Variants in RIMKLB observed in about 807,000 individuals in gnomAD.
The protein encoded by RIMKLB is ribosomal modification protein rimK like family member B.
In RIMKLB, 7 loss-of-function variants were observed where a neutral mutation model predicts 32.0. The ratio of observed to expected loss-of-function variants is 0.22; its 90% CI spans 0.12 to 0.41. The LOEUF (loss-of-function observed/expected upper bound fraction) is 0.41. RIMKLB is among the 10% of genes least tolerant of loss of function. The pLI, the probability that RIMKLB is intolerant of heterozygous loss-of-function variation, is 1.00. For missense variants in RIMKLB, 289 were observed against 498.7 expected (o/e 0.58, Z 4.00); for synonymous variants, 172 against 185.1 (o/e 0.93, Z 0.57).
At chr12:8,777,833 C>A, downstream of RIMKLB, 1 of 389,562 alleles carries the variant, frequency 2.6e-6, no homozygotes, top group Non-Finnish European at 3.6e-6. Flanking sequence ...TTCTTTCCAT[C>A]ACTAGGCTAA....
upstream of RIMKLB, among the ~76,000 whole-genome samples, chr12:8,680,215 G>T (rs1942380254): frequency 6.6e-6 from 1 of 152,220 alleles, no homozygotes; most frequent in Admixed American, 6.5e-5. Flanking sequence ...GAGCGCAGTG[G>T]CGCGATCTCG....
At chr12:8,745,627 C>T (rs1948012549) in intron 2 of RIMKLB, among the ~76,000 whole-genome samples, 1 of 150,702 alleles carries the variant, frequency 6.6e-6, no homozygotes, top group Non-Finnish European at 1.5e-5. Flanking sequence ...CTCCTGACCT[C>T]AGGTAATCCA....
chr12:8,697,674 G>A, upstream of RIMKLB: 5 of 295,188 alleles, frequency 1.7e-5, 1 homozygote, highest in South Asian at 1.2e-4. Context: ...GAGCGCCCTC[G>A]CGCTCCCTTT....
At chr12:8,765,418 C>A (rs1433849375) in intron 5 of RIMKLB, among the ~76,000 whole-genome samples, 3 of 152,118 alleles carry the variant, frequency 2.0e-5, no homozygotes, top group Non-Finnish European at 2.9e-5. Context: ...GACTGAGATA[C>A]CAGAGATCAC....
chr12:8,743,759 G>T (rs1452308652), intron 2 of RIMKLB, among the ~76,000 whole-genome samples: 2 of 151,820 alleles, frequency 1.3e-5, no homozygotes, highest in East Asian at 1.9e-4. Flanking sequence ...AACAAAGATT[G>T]CTTCCCCACC....
intron 1 of RIMKLB, among the ~76,000 whole-genome samples, chr12:8,708,505 T>A (rs1944094507): frequency 6.6e-6 from 1 of 152,202 alleles, no homozygotes; most frequent in Admixed American, 6.5e-5. Context: ...TTTTGAGATT[T>A]TGACTCTAAA....
chr12:8,710,427 C>T (rs932799321), intron 1 of RIMKLB, among the ~76,000 whole-genome samples: 1 of 151,672 alleles, frequency 6.6e-6, no homozygotes, highest in African/African-American at 2.4e-5. Flanking sequence ...CCTGCCTCAG[C>T]CTCCCGAGTA....
chr12:8,775,784 C>CA lies in RIMKLB; in HGVS notation c.*2001dup, dbSNP rs1662029690. On this transcript the variant is annotated 3_prime_UTR_variant, in exon 6 of 6. Coordinates refer to ENST00000535829, the MANE Select transcript of RIMKLB (RefSeq NM_001297776.2). ...CTCTCATCTGTGCAGTGTCTCATTT[C>CA]ACCTCAGAGAAAAGGATACATAAGA... is the stretch of plus-strand genomic sequence containing the variant. 1.0e-6 allele frequency: 1 copy of CA among 985,216 alleles called. No homozygotes were observed. Among genetic ancestry groups the CA allele is most frequent in the East Asian group, 1.1e-4 (1 of 8,826 alleles). 61.0% of individuals were successfully genotyped at this position (985,216 alleles called of 1,614,324 possible). A position where few individuals can be genotyped will look rare whatever the true frequency, so the allele number is the denominator to read the frequency against.
intron 1 of RIMKLB, among the ~76,000 whole-genome samples, chr12:8,709,052 TCTATA>T (rs1206928218): frequency 6.6e-6 from 1 of 152,232 alleles, no homozygotes; most frequent in East Asian, 1.9e-4. Flanking sequence ...ACGGTACTCA[TCTATA>T]CTATATGTGG....
chr12:8,745,693 C>CTTT (rs754631863), intron 2 of RIMKLB, among the ~76,000 whole-genome samples: 1 of 136,092 alleles, frequency 7.3e-6, no homozygotes, highest in Non-Finnish European at 1.6e-5. Flanking sequence ...TGCACCCAGC[C>CTTT]TTTTTTTTTT....
At chr12:8,695,381 G>C (rs182768560), upstream of RIMKLB, among the ~76,000 whole-genome samples, 280 of 152,244 alleles carry the variant, frequency 1.8e-3, no homozygotes, top group Non-Finnish European at 1.1e-3. Context: ...AATTCTCAAA[G>C]ATTATGACTG....
chr12:8,685,637 G>A (rs1353683196), intron 1 of RIMKLB, among the ~76,000 whole-genome samples: 1 of 148,100 alleles, frequency 6.8e-6, no homozygotes, highest in Non-Finnish European at 1.5e-5. Flanking sequence ...TTGCAGTGAT[G>A]CCTGCTCTTT....
At chr12:8,746,948 C>T (rs1948150366) in intron 2 of RIMKLB, among the ~76,000 whole-genome samples, 1 of 152,060 alleles carries the variant, frequency 6.6e-6, no homozygotes, top group African/African-American at 2.4e-5. Flanking sequence ...CTCATGTTGC[C>T]TAGGCTAGTT....
chr12:8,715,380 C>A (rs1944740879), intron 2 of RIMKLB, among the ~76,000 whole-genome samples: 1 of 151,928 alleles, frequency 6.6e-6, no homozygotes, highest in South Asian at 2.1e-4. Flanking sequence ...TGTGCACCAC[C>A]ACGCCCGACT....
upstream of RIMKLB, chr12:8,678,937 T>C (rs921269123): frequency 6.6e-6 from 1 of 152,212 alleles, no homozygotes; most frequent in Non-Finnish European, 1.5e-5. Context: ...AATAGCTACA[T>C]GAAGAGGCTT....
chr12:8,740,854 C>T (rs746506523), intron 2 of RIMKLB, among the ~76,000 whole-genome samples: 5 of 152,178 alleles, frequency 3.3e-5, no homozygotes, highest in African/African-American at 9.6e-5. Flanking sequence ...GGGCAGATCA[C>T]TTGAGGTCAG....
In RIMKLB at chr12:8,706,946, T is replaced by G. The variant is rs758389896; in HGVS notation, c.-56-6865T>G. Among the ~76,000 whole-genome samples the G allele has an allele frequency of 2.6e-5, 4 of 152,212 alleles. No homozygotes were observed. In the South Asian group the frequency reaches 8.3e-4, roughly 32 times the overall value. ...TTTCTAGAAAGTGGAAAGCAGAGTT[T>G]AAGAATGAAACTCGGGGGATCATAT... On this transcript the variant is annotated intron_variant, in intron 1 of 5. Transcript: ENST00000535829.
intron 2 of RIMKLB, among the ~76,000 whole-genome samples, chr12:8,725,619 A>G (rs1353111737): frequency 3.3e-5 from 5 of 152,152 alleles, no homozygotes; most frequent in Non-Finnish European, 7.4e-5. Flanking sequence ...AGAGGCTGCA[A>G]GGGGGCAGGT....
At position 8,775,159 on chromosome 12, in the gene RIMKLB, TG is replaced by T. The variant is rs147418862; in HGVS notation, c.*1376del. ...AGTGTACAGTTTATTCAAGGCTACA[TG>T]CTTTTCTTTAATGCTTCTGGCTATG... is the stretch of plus-strand genomic sequence containing the variant. On this transcript the variant is annotated 3_prime_UTR_variant, in exon 6 of 6. Coordinates refer to ENST00000535829, the MANE Select transcript of RIMKLB (RefSeq NM_001297776.2). 1,822 of 985,772 alleles carry T rather than the reference TG, an allele frequency of 1.8e-3. 58 individuals carry two copies. In the Admixed American group the frequency reaches 0.066, roughly 36 times the overall value. The allele number at this position is 985,772 out of a possible 1,614,324, so 61.1% of individuals were successfully genotyped here.
Sources: allele counts gnomAD v4.1 joint callset (sites outside exome capture counted in the v4.1 genomes callset), GRCh38; gene constraint gnomAD v4.1.1; transcripts MANE v1.5; gene names NCBI Gene and HGNC (gene_info 2026-07-23, HGNC 2026-07-21).